The following CDH13 variants were observed in gnomAD, a reference collection of about 807,000 sequenced individuals.
CDH13 encodes cadherin-13.
In CDH13, 24 loss-of-function variants were observed where a neutral mutation model predicts 63.8. The ratio of observed to expected loss-of-function variants is 0.38; its 90% CI spans 0.27 to 0.53. The LOEUF is 0.53. Ranked by LOEUF, CDH13 falls within the 20% of genes least tolerant of loss-of-function variation. The pLI is 0.85. For missense variants in CDH13, 1,049 were observed against 903.1 expected (o/e 1.16, Z -2.07); for synonymous variants, 503 against 355.3 (o/e 1.42, Z -4.67).
intron 1 of CDH13, among the ~76,000 whole-genome samples, chr16:82,720,687 T>C (rs2032715116): frequency 2.0e-5 from 3 of 152,018 alleles, no homozygotes; most frequent in Admixed American, 6.6e-5. Flanking sequence ...GTTTTTTTTT[T>C]TCTCATCAAC....
At chr16:83,414,606 T>C (rs1311057941) in intron 6 of CDH13, among the ~76,000 whole-genome samples, 1 of 152,128 alleles carries the variant, frequency 6.6e-6, no homozygotes, top group Non-Finnish European at 1.5e-5. Context: ...CAGACACCAA[T>C]TCAGTCTTTG....
chr16:82,983,707 G>C (rs975102460), intron 2 of CDH13, among the ~76,000 whole-genome samples: 81 of 152,186 alleles, frequency 5.3e-4, no homozygotes, highest in Admixed American at 2.0e-4. Flanking sequence ...GTGTATGAGA[G>C]AGATTGTGCA....
intron 2 of CDH13, among the ~76,000 whole-genome samples, chr16:82,892,086 A>C (rs537959480): frequency 2.6e-5 from 4 of 152,158 alleles, no homozygotes; most frequent in African/African-American, 7.2e-5. Flanking sequence ...CTCCCTTCCA[A>C]CCTCAGCTCA....
Position 83,780,143 on chromosome 16 carries a change from AT to A in CDH13, c.1860del (p.Phe620LeufsTer25). ...DLHPNTDPFK[F>X]EIHKQAVPDK... is the part of the protein sequence containing the mutation. ...TTCACCCGAATACAGATCCTTTCAA[AT>A]TTGAAATCCACAAACAAGCTGTTCC... On this transcript the variant is annotated frameshift_variant, in exon 12 of 14. Transcript: ENST00000567109. LOFTEE classifies it high-confidence loss of function. The A allele has an allele frequency of 6.2e-7, 1 of 1,612,610 alleles. No individual in the cohort carries two copies. The highest frequency in any genetic ancestry group is 8.5e-7 in the Non-Finnish European group (1 of 1,179,234).
intron 1 of CDH13, among the ~76,000 whole-genome samples, chr16:82,794,890 A>G (rs2036507413): frequency 6.6e-6 from 1 of 152,202 alleles, no homozygotes; most frequent in African/African-American, 2.4e-5. Context: ...TCACTGGCAC[A>G]AAAGCAACTT....
intron 2 of CDH13, among the ~76,000 whole-genome samples, chr16:82,966,838 TTC>T (rs976850500): frequency 2.6e-5 from 4 of 152,218 alleles, no homozygotes; most frequent in African/African-American, 9.7e-5. Flanking sequence ...AGGATGTTTT[TTC>T]TCTCTCATAG....
intron 7 of CDH13, among the ~76,000 whole-genome samples, chr16:83,543,474 C>G (rs1174002865): frequency 6.6e-6 from 1 of 152,192 alleles, no homozygotes; most frequent in African/African-American, 2.4e-5. Flanking sequence ...CTTGCCTTGC[C>G]TTGATTCCCC....
chr16:83,552,834 T>G, intron 7 of CDH13, among the ~76,000 whole-genome samples: 1 of 152,100 alleles, frequency 6.6e-6, no homozygotes, highest in Non-Finnish European at 1.5e-5. Flanking sequence ...GTAATCCAGC[T>G]CTTTGGGAGG....
At chr16:83,332,957 T>C (rs993041032) in intron 5 of CDH13, among the ~76,000 whole-genome samples, 2 of 152,240 alleles carry the variant, frequency 1.3e-5, no homozygotes, top group African/African-American at 2.4e-5. Context: ...AAGGAAATAC[T>C]GTACCTCTAA....
At chr16:82,800,669 A>C (rs532954910) in intron 1 of CDH13, among the ~76,000 whole-genome samples, 244 of 152,302 alleles carry the variant, frequency 1.6e-3, no homozygotes, top group Non-Finnish European at 3.3e-3. Flanking sequence ...ATACATTTGC[A>C]TACTGCTTGT....
At chr16:82,930,771 C>T (rs1474107860) in intron 2 of CDH13, among the ~76,000 whole-genome samples, 3 of 152,122 alleles carry the variant, frequency 2.0e-5, no homozygotes, top group Non-Finnish European at 4.4e-5. Flanking sequence ...ATCAGTACTC[C>T]AGTTCACCCT....
intron 2 of CDH13, among the ~76,000 whole-genome samples, chr16:82,935,352 G>A (rs139647929): frequency 2.6e-5 from 4 of 152,278 alleles, no homozygotes; most frequent in Non-Finnish European, 4.4e-5. Flanking sequence ...CCCCCAACAC[G>A]TGGGGATTAT....
intron 8 of CDH13, among the ~76,000 whole-genome samples, chr16:83,658,030 C>T (rs1913037103): frequency 1.1e-5 from 1 of 94,856 alleles, no homozygotes; most frequent in African/African-American, 3.8e-5. Context: ...CCACCAGGTC[C>T]CATGTCCTCA....
intron 3 of CDH13, among the ~76,000 whole-genome samples, chr16:83,046,609 A>G (rs1006790798): frequency 6.6e-6 from 1 of 152,224 alleles, no homozygotes; most frequent in African/African-American, 2.4e-5. Flanking sequence ...TGGAGGAAAT[A>G]GCCCACTGGG....
At chr16:83,584,112 G>C (rs1056772839) in intron 7 of CDH13, among the ~76,000 whole-genome samples, 2 of 152,070 alleles carry the variant, frequency 1.3e-5, no homozygotes, top group African/African-American at 4.8e-5. Flanking sequence ...GGCGGATCAC[G>C]AGGTCAGGAG....
chr16:83,084,472 C>G (rs917164264), intron 3 of CDH13, among the ~76,000 whole-genome samples: 3 of 152,180 alleles, frequency 2.0e-5, no homozygotes, highest in Admixed American at 6.5e-5. Context: ...ACCTGTCTCT[C>G]GAAAACAGTT....
chr16:82,697,787 G>GTGTGTGTGTT (rs1302221385), intron 1 of CDH13, among the ~76,000 whole-genome samples: 4 of 106,306 alleles, frequency 3.8e-5, no homozygotes, highest in African/African-American at 1.6e-4. Flanking sequence ...GTGTGTGTGT[G>GTGTGTGTGTT]TAAGTTTTTT....
chr16:82,726,132 C>A (rs556085277), intron 1 of CDH13, among the ~76,000 whole-genome samples: 2 of 152,088 alleles, frequency 1.3e-5, no homozygotes, highest in African/African-American at 2.4e-5. Flanking sequence ...GATATCCAGA[C>A]GTAAATGTGT....
rs561857157 is a variant in CDH13, at chr16:83,025,960, G to T, written c.158-6050G>T. On this transcript the variant is annotated intron_variant, in intron 2 of 13. Transcript: ENST00000567109. ...TAATCTTGGGAGAGAGTGGGGGCAG[G>T]TATTGCTATTCTTTTTAATGCTCCT... 9.2e-5 allele frequency among the ~76,000 whole-genome samples: 14 copies of T among 152,266 alleles called. No individual in the cohort carries two copies. In the South Asian group the frequency reaches 2.1e-3, roughly 23 times the overall value.
Sources: gnomAD v4.1 joint callset for allele counts (sites outside exome capture counted in the v4.1 genomes callset) on GRCh38, gnomAD v4.1.1 for gene constraint, MANE v1.5 for transcripts, NCBI Gene and HGNC (gene_info 2026-07-23, HGNC 2026-07-21) for gene names.